Variants in NRG1 observed in about 807,000 individuals in gnomAD.
The protein encoded by NRG1 is pro-neuregulin-1, membrane-bound isoform.
Under a neutral mutation model 63.8 loss-of-function variants are expected in NRG1, and 18 were observed. The ratio of observed to expected loss-of-function variants is 0.28; its 90% CI spans 0.19 to 0.42. The LOEUF (loss-of-function observed/expected upper bound fraction) is 0.42, where lower values mean the gene tolerates loss of function less well. NRG1 is among the 10% of genes least tolerant of loss of function. The pLI is 1.00. For synonymous variants in NRG1, 302 were observed against 301.3 expected (o/e 1.00, Z -0.02); for missense variants, 762 against 814.7 (o/e 0.94, Z 0.79).
intron 1 of NRG1, among the ~76,000 whole-genome samples, chr8:32,096,193 A>T (rs562793741): frequency 2.0e-4 from 30 of 152,342 alleles, no homozygotes; most frequent in Admixed American, 9.1e-4. Flanking sequence ...TTAAGCAAAA[A>T]GTGGTATGAT....
chr8:32,362,412 G>A (rs1286832307), intron 1 of NRG1, among the ~76,000 whole-genome samples: 2 of 152,180 alleles, frequency 1.3e-5, no homozygotes, highest in African/African-American at 2.4e-5. Flanking sequence ...ATGTTGTGGA[G>A]AAAAGAGCTA....
intron 1 of NRG1, among the ~76,000 whole-genome samples, chr8:31,755,411 C>A (rs1586170987): frequency 6.6e-6 from 1 of 152,236 alleles, no homozygotes; most frequent in East Asian, 1.9e-4. Flanking sequence ...GCATTCAGAT[C>A]CACACTGTGT....
At chr8:32,172,242 G>T (rs1192673156) in intron 1 of NRG1, among the ~76,000 whole-genome samples, 3 of 152,192 alleles carry the variant, frequency 2.0e-5, no homozygotes, top group African/African-American at 7.2e-5. Flanking sequence ...ACAGGGTCTG[G>T]AGTGAACCTC....
Position 32,076,284 on chromosome 8 carries a change from C to T in NRG1, c.37+436853C>T, listed in dbSNP as rs184401638. ...AGAAATGCAGCAGTTTTATTCAGGC[C>T]TTGGTTTTATTGACCATTTTTGGTT... On this transcript the variant is annotated intron_variant, in intron 1 of 10. Coordinates refer to the NRG1 transcript ENST00000519301. Among the ~76,000 whole-genome samples the T allele has an allele frequency of 6.6e-5, 10 of 152,198 alleles. No individual in the cohort carries two copies. In the East Asian group the frequency reaches 1.2e-3, roughly 18 times the overall value.
chr8:31,776,056 C>T (rs984088164), intron 1 of NRG1, among the ~76,000 whole-genome samples: 1 of 152,048 alleles, frequency 6.6e-6, no homozygotes, highest in African/African-American at 2.4e-5. Context: ...GAAAGCCTGC[C>T]AGAAAGTGAT....
At chr8:31,682,317 C>T (rs1000598086) in intron 1 of NRG1, among the ~76,000 whole-genome samples, 24 of 152,250 alleles carry the variant, frequency 1.6e-4, no homozygotes, top group African/African-American at 4.1e-4. Context: ...TCCACATCCT[C>T]GCCATTATGT....
At chr8:31,822,061 T>A (rs1824056469) in intron 1 of NRG1, among the ~76,000 whole-genome samples, 1 of 152,234 alleles carries the variant, frequency 6.6e-6, no homozygotes, top group Admixed American at 6.5e-5. Flanking sequence ...TTGATTTAAG[T>A]GAAACTTGGG....
chr8:32,647,693 C>T (rs1853925802), intron 5 of NRG1: 1 of 1,528,110 alleles, frequency 6.5e-7, no homozygotes. Flanking sequence ...TGAGAGCGGC[C>T]AGGCCTTCTT....
intron 1 of NRG1, among the ~76,000 whole-genome samples, chr8:32,298,750 C>A (rs1440401151): frequency 3.4e-5 from 5 of 147,132 alleles, no homozygotes; most frequent in African/African-American, 1.0e-4. Context: ...AGAAAAAGAT[C>A]GGGTGCGGGG....
intron 1 of NRG1, among the ~76,000 whole-genome samples, chr8:32,264,992 T>C (rs946008236): frequency 6.6e-6 from 1 of 152,166 alleles, no homozygotes; most frequent in Non-Finnish European, 1.5e-5. Context: ...TCAAAAAGTA[T>C]AGTGTCTGCA....
chr8:32,738,371 A>T (rs1168059838), intron 6 of NRG1, among the ~76,000 whole-genome samples: 1 of 152,068 alleles, frequency 6.6e-6, no homozygotes, highest in African/African-American at 2.4e-5. Flanking sequence ...TAAAATTTTT[A>T]AAAACCCTGA....
intron 1 of NRG1, among the ~76,000 whole-genome samples, chr8:32,117,353 A>G (rs1832869185): frequency 6.6e-6 from 1 of 152,136 alleles, no homozygotes; most frequent in Non-Finnish European, 1.5e-5. Flanking sequence ...ATGCTTCTTT[A>G]CATTTTGTGG....
intron 1 of NRG1, among the ~76,000 whole-genome samples, chr8:32,233,416 A>G (rs1396796154): frequency 6.6e-6 from 1 of 151,868 alleles, no homozygotes; most frequent in Non-Finnish European, 1.5e-5. Context: ...ATGAGTGTAC[A>G]TTATAAATAA....
chr8:32,773,963 A>G (rs759170342), intron 7 of NRG1, among the ~76,000 whole-genome samples: 1 of 152,196 alleles, frequency 6.6e-6, no homozygotes, highest in Non-Finnish European at 1.5e-5. Flanking sequence ...TGACATATTC[A>G]TGTACCACCT....
At chr8:32,406,298 G>T (rs1289497534) in intron 1 of NRG1, among the ~76,000 whole-genome samples, 5 of 152,144 alleles carry the variant, frequency 3.3e-5, no homozygotes, top group Non-Finnish European at 5.9e-5. Context: ...GGTTTGAGCT[G>T]CTCAGTCTTG....
chr8:32,665,376 C>T (rs192276746), intron 5 of NRG1, among the ~76,000 whole-genome samples: 3 of 152,168 alleles, frequency 2.0e-5, no homozygotes. Flanking sequence ...AAAATTGTTG[C>T]TGTTAATTTT....
intron 1 of NRG1, among the ~76,000 whole-genome samples, chr8:31,825,207 G>T (rs1824422709): frequency 6.6e-6 from 1 of 152,068 alleles, no homozygotes; most frequent in Non-Finnish European, 1.5e-5. Context: ...GGCTAACATG[G>T]TGAAACCCCT....
At chr8:32,207,457 T>C (rs1009821378) in intron 1 of NRG1, among the ~76,000 whole-genome samples, 1 of 152,172 alleles carries the variant, frequency 6.6e-6, no homozygotes, top group Non-Finnish European at 1.5e-5. Flanking sequence ...TTGGTTACTT[T>C]AGTTGCATAA....
chr8:32,106,932 T>TA (rs1831342926), intron 1 of NRG1, among the ~76,000 whole-genome samples: 1 of 152,178 alleles, frequency 6.6e-6, no homozygotes, highest in Admixed American at 6.5e-5. Flanking sequence ...TTTAAAATGC[T>TA]AAAGTTTTGG....
Sources: allele counts gnomAD v4.1 joint callset (sites outside exome capture counted in the v4.1 genomes callset), GRCh38; gene constraint gnomAD v4.1.1; transcripts MANE v1.5; gene names NCBI Gene and HGNC (gene_info 2026-07-23, HGNC 2026-07-21).